INTS9: variants seen among roughly 807,000 people sequenced by gnomAD.
The protein encoded by INTS9 is protein related to CPSF subunits of 74 kDa.
In INTS9, 55 loss-of-function variants were observed where a neutral mutation model predicts 79.7. The observed-to-expected ratio is 0.69, with a 90% CI of 0.56 to 0.86. INTS9 has a LOEUF of 0.86. Among genes scored for constraint, INTS9 ranks in the 40% least tolerant of loss-of-function variants. INTS9 has a pLI of 0.00. For missense variants in INTS9, 721 were observed against 831.5 expected (o/e 0.87, Z 1.64); for synonymous variants, 319 against 325.2 (o/e 0.98, Z 0.20).
In INTS9 at chr8:28,878,725, C is replaced by T. The variant is rs556224698; in HGVS notation, c.9+11149G>A. The stretch of plus-strand genomic sequence containing the variant: ...AGGCGCGGTGGCTCACGCCTATAAT[C>T]CCAGCACTTTGGGAGGCCCCAAGGC... On this transcript the variant is annotated intron_variant, in intron 1 of 16. Transcript: ENST00000521022. 2.6e-4 allele frequency among the ~76,000 whole-genome samples: 40 copies of T among 151,494 alleles called. 1 individual carries two copies. In the South Asian group the frequency reaches 7.9e-3, roughly 30 times the overall value.
At chr8:28,807,213 C>T (rs993423056) in intron 8 of INTS9, among the ~76,000 whole-genome samples, 1 of 152,160 alleles carries the variant, frequency 6.6e-6, no homozygotes, top group African/African-American at 2.4e-5. Context: ...GGACAAATCT[C>T]TGCCAAAATT....
chr8:28,846,842 GA>G, intron 3 of INTS9, 33 bp from the exon 4 acceptor site: 2 of 1,513,524 alleles, frequency 1.3e-6, no homozygotes, highest in Non-Finnish European at 1.8e-6. Flanking sequence ...ATACAAGGAA[GA>G]GATATCCAGT....
At chr8:28,848,617 G>A (rs1156390038) in intron 3 of INTS9, among the ~76,000 whole-genome samples, 2 of 152,204 alleles carry the variant, frequency 1.3e-5, no homozygotes, top group African/African-American at 4.8e-5. Context: ...CCCTTAGGAT[G>A]AGGTTAAAAA....
intron 6 of INTS9, among the ~76,000 whole-genome samples, chr8:28,824,911 T>C (rs1806058131): frequency 6.6e-6 from 1 of 152,180 alleles, no homozygotes; most frequent in Non-Finnish European, 1.5e-5. Context: ...AAATGATATA[T>C]AATATAATGC....
chr8:28,771,530 G>A (rs1294669272), intron 14 of INTS9, among the ~76,000 whole-genome samples: 1 of 152,196 alleles, frequency 6.6e-6, no homozygotes, highest in Non-Finnish European at 1.5e-5. Context: ...CCCCTACCTA[G>A]CCAAGCCACC....
At chr8:28,773,914 C>G (rs890666458) in intron 14 of INTS9, among the ~76,000 whole-genome samples, 1 of 152,152 alleles carries the variant, frequency 6.6e-6, no homozygotes, top group Admixed American at 6.5e-5. Flanking sequence ...CCTCTGCCTC[C>G]CGGTTCAAGC....
At chr8:28,866,391 T>C (rs946379278) in intron 1 of INTS9, among the ~76,000 whole-genome samples, 27 of 152,086 alleles carry the variant, frequency 1.8e-4, no homozygotes, top group Admixed American at 1.4e-3. Flanking sequence ...TTTGAGACCA[T>C]TTTATGTTGA....
At chr8:28,860,228 G>A in intron 1 of INTS9, among the ~76,000 whole-genome samples, 1 of 152,330 alleles carries the variant, frequency 6.6e-6, no homozygotes, top group Admixed American at 6.5e-5. Context: ...CTTCAAAGGA[G>A]AGTGAACACA....
chr8:28,781,045 G>A, intron 11 of INTS9, 51 bp from the exon 12 acceptor site: 1 of 1,491,900 alleles, frequency 6.7e-7, no homozygotes, highest in East Asian at 2.4e-5. Context: ...CCAGGCTGAA[G>A]GGGGAACCAA....
intron 14 of INTS9, among the ~76,000 whole-genome samples, chr8:28,774,237 T>A (rs1802738351): frequency 6.6e-6 from 1 of 152,234 alleles, no homozygotes; most frequent in African/African-American, 2.4e-5. Context: ...TCTTAACATT[T>A]ATCCCTGGCA....
chr8:28,878,705 C>T (rs1262068533), intron 1 of INTS9, among the ~76,000 whole-genome samples: 3 of 149,876 alleles, frequency 2.0e-5, no homozygotes, highest in East Asian at 2.0e-4. Context: ...GGGCCAGGCG[C>T]GGTGGCTCAC....
At chr8:28,768,414 A>G in intron 16 of INTS9, 92 bp from the exon 17 acceptor site, 1 of 1,155,510 alleles carries the variant, frequency 8.7e-7, no homozygotes, top group Non-Finnish European at 1.3e-6. Context: ...TGAACTTTCT[A>G]GAAACTGACA....
chr8:28,835,541 A>C (rs957320526), intron 5 of INTS9, among the ~76,000 whole-genome samples, 163 bp from the exon 6 acceptor site: 4 of 152,206 alleles, frequency 2.6e-5, no homozygotes, highest in Non-Finnish European at 4.4e-5. Context: ...ATTTGATATA[A>C]AGTTAAACAA....
chr8:28,840,205 T>G (rs1247354684), intron 4 of INTS9, among the ~76,000 whole-genome samples: 3 of 151,282 alleles, frequency 2.0e-5, no homozygotes, highest in Admixed American at 1.3e-4. Context: ...TCACCATCAC[T>G]GGCCATCAGA....
At chr8:28,788,608 G>A (rs910332425) in intron 10 of INTS9, among the ~76,000 whole-genome samples, 22 of 152,054 alleles carry the variant, frequency 1.4e-4, no homozygotes, top group Admixed American at 2.6e-4. Context: ...TAGTAGAGAC[G>A]GGGTTTCACC....
intron 1 of INTS9, among the ~76,000 whole-genome samples, chr8:28,884,940 A>G (rs1287553498): frequency 2.0e-5 from 3 of 152,228 alleles, no homozygotes; most frequent in Non-Finnish European, 4.4e-5. Context: ...GAAGAATCCA[A>G]CACTCTCAGA....
At chr8:28,888,123 G>A (rs1810260334) in intron 1 of INTS9, among the ~76,000 whole-genome samples, 1 of 152,118 alleles carries the variant, frequency 6.6e-6, no homozygotes, top group South Asian at 2.1e-4. Context: ...CTCTTTCATG[G>A]AAGGCCCTGG....
intron 11 of INTS9, among the ~76,000 whole-genome samples, chr8:28,781,414 C>T (rs963556915): frequency 6.6e-6 from 1 of 152,178 alleles, no homozygotes; most frequent in Non-Finnish European, 1.5e-5. Flanking sequence ...TATGGAAGAA[C>T]AAGGACTCTC....
chr8:28,867,531 T>TAAAAAAAAAAAAAAA (rs766435433), intron 1 of INTS9, among the ~76,000 whole-genome samples: 1 of 117,454 alleles, frequency 8.5e-6, no homozygotes. Context: ...GAGCTGAGAT[T>TAAAAAAAAAAAAAAA]AAAAAAAAAA....
Sources: allele counts gnomAD v4.1 joint callset (sites outside exome capture counted in the v4.1 genomes callset), GRCh38; gene constraint gnomAD v4.1.1; transcripts MANE v1.5; gene names NCBI Gene and HGNC (gene_info 2026-07-23, HGNC 2026-07-21).